The following CSMD1 variants were observed in gnomAD, a reference collection of about 807,000 sequenced individuals.
The protein encoded by CSMD1 is CUB and sushi domain-containing protein 1.
CSMD1 carries 213 observed loss-of-function variants against 417.5 expected under a neutral mutation model. The ratio of observed to expected loss-of-function variants is 0.51; its 90% confidence interval spans 0.46 to 0.57. CSMD1 has a LOEUF of 0.57. Among genes scored for constraint, CSMD1 ranks in the 20% least tolerant of loss-of-function variants. CSMD1 has a pLI of 0.00. For synonymous variants in CSMD1, 2,862 were observed against 1,736.8 expected, an observed-to-expected ratio of 1.65 and a Z score of -16.11; for missense variants, 6,923 against 4,529.7, an observed-to-expected ratio of 1.53 and a Z score of -15.17.
intron 3 of CSMD1, among the ~76,000 whole-genome samples, chr8:4,279,748 AG>A (rs1402528266): frequency 2.0e-5 from 3 of 152,340 alleles, no homozygotes; most frequent in East Asian, 3.9e-4. Flanking sequence ...TTTCTAATGA[AG>A]AAAAAAAATA....
chr8:4,846,025 G>C (rs574280908), intron 1 of CSMD1, among the ~76,000 whole-genome samples: 1 of 152,252 alleles, frequency 6.6e-6, no homozygotes, highest in African/African-American at 2.4e-5. Context: ...TCACTTCTTT[G>C]TTTTTCCAGA....
chr8:4,191,301 C>A (rs1255046541), intron 3 of CSMD1, among the ~76,000 whole-genome samples: 1 of 152,018 alleles, frequency 6.6e-6, no homozygotes, highest in African/African-American at 2.4e-5. Flanking sequence ...GAGGCTGAGG[C>A]AGGAGAATGG....
At chr8:4,447,207 C>A (rs889162906) in intron 2 of CSMD1, among the ~76,000 whole-genome samples, 3 of 152,116 alleles carry the variant, frequency 2.0e-5, no homozygotes. Flanking sequence ...TAAGGGAAAA[C>A]AAATATACAT....
At chr8:4,934,543 A>G (rs1251278833) in intron 1 of CSMD1, among the ~76,000 whole-genome samples, 1 of 152,162 alleles carries the variant, frequency 6.6e-6, no homozygotes, top group Non-Finnish European at 1.5e-5. Flanking sequence ...AGTTGCTACT[A>G]GGAACGAGAT....
intron 1 of CSMD1, among the ~76,000 whole-genome samples, chr8:4,861,570 T>C (rs1802134975): frequency 2.6e-5 from 4 of 152,118 alleles, no homozygotes; most frequent in Admixed American, 2.0e-4. Context: ...ATGCAAACAC[T>C]ATTTAGGATT....
chr8:3,621,210 T>C (rs1231416620), intron 7 of CSMD1, among the ~76,000 whole-genome samples: 4 of 152,156 alleles, frequency 2.6e-5, no homozygotes, highest in African/African-American at 9.7e-5. Flanking sequence ...ACTCGGCGAG[T>C]AGCGTAGCAC....
At chr8:4,809,126 C>A (rs1158746686) in intron 1 of CSMD1, among the ~76,000 whole-genome samples, 2 of 152,042 alleles carry the variant, frequency 1.3e-5, no homozygotes, top group Non-Finnish European at 2.9e-5. Flanking sequence ...ATAAAAGGAG[C>A]CATAGCTATT....
intron 3 of CSMD1, among the ~76,000 whole-genome samples, chr8:4,056,068 T>G (rs1245597462): frequency 6.9e-6 from 1 of 145,852 alleles, no homozygotes; most frequent in African/African-American, 2.5e-5. Context: ...GTTTGGATAT[T>G]GGTGGCTTCC....
chr8:4,503,318 A>G lies in CSMD1; in HGVS notation c.303-83253T>C, dbSNP rs527817325. On this transcript the variant is annotated intron_variant, in intron 2 of 69. Transcript: ENST00000635120. Reference sequence around the variant, plus strand: ...TGAAGTATTTGCTGTCATTCATTCAATAACTATTGAGTGACTACCATTTAA... The same window carrying G: ...TGAAGTATTTGCTGTCATTCATTCAGTAACTATTGAGTGACTACCATTTAA... Among the ~76,000 whole-genome samples, 9 of 152,284 alleles carry G rather than the reference A, an allele frequency of 5.9e-5. No individual in the cohort carries two copies. The East Asian group carries it at 1.2e-3, about 20-fold the overall frequency.
At chr8:3,092,668 T>C (rs7007301) in intron 47 of CSMD1, among the ~76,000 whole-genome samples, 25,586 of 152,146 alleles carry the variant, frequency 0.17, 3,478 homozygotes, top group African/African-American at 0.38. Context: ...AAAGTTAACA[T>C]TGAAAGTATA....
chr8:3,310,758 T>G (rs1232780226), intron 23 of CSMD1, among the ~76,000 whole-genome samples: 1 of 151,352 alleles, frequency 6.6e-6, no homozygotes, highest in African/African-American at 2.4e-5. Flanking sequence ...AACAAAGCTG[T>G]GAATGGCAGC....
At chr8:4,370,546 T>C (rs887743858) in intron 3 of CSMD1, among the ~76,000 whole-genome samples, 1 of 152,256 alleles carries the variant, frequency 6.6e-6, no homozygotes, top group African/African-American at 2.4e-5. Context: ...TCAAGTTTCT[T>C]GCTCTCTTTC....
intron 7 of CSMD1, among the ~76,000 whole-genome samples, chr8:3,632,341 C>T (rs1938363544): frequency 6.6e-6 from 1 of 152,036 alleles, no homozygotes; most frequent in African/African-American, 2.4e-5. Context: ...ACCTTCAGCC[C>T]TGACACCCCC....
chr8:3,398,865 T>C (rs1220992921), intron 16 of CSMD1, among the ~76,000 whole-genome samples: 1 of 152,132 alleles, frequency 6.6e-6, no homozygotes, highest in Non-Finnish European at 1.5e-5. Flanking sequence ...ATGAAATGCA[T>C]TATTAAATAG....
chr8:4,355,512 T>C (rs1801377068), intron 3 of CSMD1, among the ~76,000 whole-genome samples: 1 of 152,168 alleles, frequency 6.6e-6, no homozygotes, highest in East Asian at 1.9e-4. Flanking sequence ...GAACATTCAG[T>C]AGTTTAGTAA....
chr8:4,357,025 T>C (rs1801469231), intron 3 of CSMD1, among the ~76,000 whole-genome samples: 1 of 152,248 alleles, frequency 6.6e-6, no homozygotes, highest in African/African-American at 2.4e-5. Flanking sequence ...TGCTATAAAA[T>C]TCTTACATTG....
chr8:4,185,965 C>T (rs1202068173), intron 3 of CSMD1, among the ~76,000 whole-genome samples: 1 of 152,098 alleles, frequency 6.6e-6, no homozygotes, highest in Non-Finnish European at 1.5e-5. Flanking sequence ...CGGTGGAATA[C>T]AGAAATCATT....
chr8:4,768,006 C>T (rs1167726459), intron 1 of CSMD1, among the ~76,000 whole-genome samples: 1 of 151,422 alleles, frequency 6.6e-6, no homozygotes, highest in Non-Finnish European at 1.5e-5. Context: ...GCATTCAATT[C>T]ACATTTACGT....
intron 1 of CSMD1, among the ~76,000 whole-genome samples, chr8:4,671,229 T>C (rs538688542): frequency 6.6e-6 from 1 of 152,326 alleles, no homozygotes; most frequent in Admixed American, 6.5e-5. Flanking sequence ...TCAATCCTTT[T>C]ACCATTGAAG....
Sources: allele counts gnomAD v4.1 joint callset (sites outside exome capture counted in the v4.1 genomes callset), GRCh38; gene constraint gnomAD v4.1.1; transcripts MANE v1.5; gene names NCBI Gene and HGNC (gene_info 2026-07-23, HGNC 2026-07-21).